The following RAB31 variants were observed in gnomAD, a reference collection of about 807,000 sequenced individuals.
RAB31 encodes the protein RAB31, member RAS oncogene family, also known as ras-related protein Rab-31.
In RAB31, 21 loss-of-function variants were observed where a neutral mutation model predicts 25.6. The observed-to-expected ratio is 0.82, with a 90% confidence interval of 0.58 to 1.18. RAB31 has a LOEUF of 1.18. Among genes scored for constraint, RAB31 ranks in the 50% most tolerant of loss-of-function variants. RAB31 has a pLI of 0.00. For synonymous variants in RAB31, 87 were observed against 84.0 expected, an observed-to-expected ratio of 1.04 and a Z score of -0.20; for missense variants, 196 against 250.1, an observed-to-expected ratio of 0.78 and a Z score of 1.46.
At chr18:9,735,130 G>T (rs2068144639) in intron 1 of RAB31, among the ~76,000 whole-genome samples, 1 of 152,018 alleles carries the variant, frequency 6.6e-6, no homozygotes, top group Non-Finnish European at 1.5e-5. Context: ...TGATTCTCCT[G>T]TCTCAGCCTC....
chr18:9,714,846 T>C (rs2068036065), intron 1 of RAB31, among the ~76,000 whole-genome samples: 3 of 152,234 alleles, frequency 2.0e-5, no homozygotes. Flanking sequence ...GGATTCTTAT[T>C]ATGGTGCTTA....
chr18:9,794,612 C>T lies in RAB31; in HGVS notation c.201+2377C>T, dbSNP rs556379539. Among the ~76,000 whole-genome samples the T allele has an allele frequency of 1.8e-4, 27 of 152,186 alleles. 1 individual carries two copies. The highest frequency in any genetic ancestry group is 5.8e-4 in the African/African-American group (24 of 41,526). ...TGAGTGGATCATGAGGTCAGGAGTT[C>T]GAGACCAGCCTGGCCAATATGGTAA... On this transcript the variant is annotated intron_variant, in intron 3 of 6. Coordinates refer to ENST00000578921, the MANE Select transcript of RAB31 (RefSeq NM_006868.4).
rs149849165 is a variant in RAB31, at chr18:9,810,141, A to G, written c.202-3879A>G. Among the ~76,000 whole-genome samples the G allele has an allele frequency of 2.5e-3, 375 of 152,328 alleles. 1 individual carries two copies. The highest frequency in any genetic ancestry group is 4.2e-3 in the Non-Finnish European group (283 of 68,028). On this transcript the variant is annotated intron_variant, in intron 3 of 6. Transcript: ENST00000578921. ...AATGACATCTGAAAAATTTCTCAAC[A>G]TTTTAATTTGGTCTTCTAGATGTTT...
chr18:9,743,036 G>A (rs938819058), intron 1 of RAB31, among the ~76,000 whole-genome samples: 3 of 152,206 alleles, frequency 2.0e-5, no homozygotes, highest in Non-Finnish European at 2.9e-5. Flanking sequence ...GTTTGGACTT[G>A]TCCATTTAGA....
chr18:9,850,060 C>G (rs888919266), intron 6 of RAB31, among the ~76,000 whole-genome samples: 3 of 152,084 alleles, frequency 2.0e-5, no homozygotes, highest in Non-Finnish European at 4.4e-5. Context: ...GTGGCTTGGA[C>G]GAGGGTGGAG....
Position 9,778,750 on chromosome 18 carries a change from C to T in RAB31, c.119+3393C>T, listed in dbSNP as rs142531621. On this transcript the variant is annotated intron_variant, in intron 2 of 6. Transcript: ENST00000578921. Reference sequence around the variant, plus strand: ...CCTCCCAAAGTGCTGGGATTATAGGCGTGAGCCACTGTGCCCAGCCACACA... The same window carrying T: ...CCTCCCAAAGTGCTGGGATTATAGGTGTGAGCCACTGTGCCCAGCCACACA... Among the ~76,000 whole-genome samples the T allele has an allele frequency of 9.1e-3, 1,385 of 152,320 alleles. 21 individuals carry two copies. The highest frequency in any genetic ancestry group is 0.031 in the African/African-American group (1,293 of 41,566).
chr18:9,841,730 T>G (rs1271317939), intron 5 of RAB31, among the ~76,000 whole-genome samples: 2 of 151,916 alleles, frequency 1.3e-5, no homozygotes, highest in Non-Finnish European at 2.9e-5. Context: ...ATACTTTTCT[T>G]GGGGGACAGG....
chr18:9,756,400 T>C (rs2068260569), intron 1 of RAB31, among the ~76,000 whole-genome samples: 1 of 152,224 alleles, frequency 6.6e-6, no homozygotes, highest in South Asian at 2.1e-4. Context: ...CTTGCTCTTC[T>C]CTGTACAGTT....
intron 1 of RAB31, among the ~76,000 whole-genome samples, chr18:9,741,503 T>A (rs2145472183): frequency 6.6e-6 from 1 of 151,744 alleles, no homozygotes; most frequent in South Asian, 2.1e-4. Flanking sequence ...TCACAAGGGC[T>A]GGAGTTGCAG....
At chr18:9,806,602 C>T (rs755447875) in intron 3 of RAB31, among the ~76,000 whole-genome samples, 1 of 152,060 alleles carries the variant, frequency 6.6e-6, no homozygotes, top group Non-Finnish European at 1.5e-5. Context: ...CCAGGTCCCA[C>T]CCAAGATGCC....
rs552794989 is a variant in RAB31 at position 9,812,425 on chromosome 18, T to C, written c.202-1595T>C. Among the ~76,000 whole-genome samples the C allele has an allele frequency of 4.6e-5, 7 of 152,310 alleles. No homozygotes were observed. The East Asian group carries it at 5.8e-4, about 13-fold the overall frequency. ...TACCAACAGTTGCTTTGAAAGAAGA[T>C]ATTCAGCACATTCCATGTAGAGTAT... On this transcript the variant is annotated intron_variant, in intron 3 of 6. Coordinates refer to ENST00000578921, the MANE Select transcript of RAB31 (RefSeq NM_006868.4).
chr18:9,750,032 C>T (rs753869119), intron 1 of RAB31, among the ~76,000 whole-genome samples: 7 of 152,190 alleles, frequency 4.6e-5, no homozygotes, highest in Non-Finnish European at 7.3e-5. Context: ...CAGATTGAAA[C>T]GTAGCTGTAA....
intron 1 of RAB31, among the ~76,000 whole-genome samples, chr18:9,764,729 T>C (rs2068306583): frequency 6.6e-6 from 1 of 152,180 alleles, no homozygotes; most frequent in South Asian, 2.1e-4. Context: ...TGGCACCTTA[T>C]TCTCTGTATG....
At chr18:9,709,744 T>C (rs1208287531) in intron 1 of RAB31, among the ~76,000 whole-genome samples, 2 of 152,174 alleles carry the variant, frequency 1.3e-5, no homozygotes, top group Non-Finnish European at 2.9e-5. Flanking sequence ...CTCCCCCGAC[T>C]TGCTCAGCCA....
At chr18:9,832,239 A>C (rs1049099358) in intron 5 of RAB31, among the ~76,000 whole-genome samples, 4 of 152,134 alleles carry the variant, frequency 2.6e-5, no homozygotes, top group African/African-American at 4.8e-5. Context: ...GTGGCCTCAC[A>C]TCACCCATGC....
At chr18:9,824,584 C>T (rs558990945) in intron 5 of RAB31, among the ~76,000 whole-genome samples, 2 of 152,270 alleles carry the variant, frequency 1.3e-5, no homozygotes, top group East Asian at 3.9e-4. Context: ...TGGAATTCGC[C>T]CTCCAACCTT....
At chr18:9,792,435 A>T (rs996232118) in intron 3 of RAB31, among the ~76,000 whole-genome samples, 200 bp downstream of exon 3, 2 of 152,158 alleles carry the variant, frequency 1.3e-5, no homozygotes, top group African/African-American at 4.8e-5. Context: ...GGCTGAGTTC[A>T]GGTCCCCAAA....
At chr18:9,728,393 G>A (rs1457273548) in intron 1 of RAB31, among the ~76,000 whole-genome samples, 1 of 152,208 alleles carries the variant, frequency 6.6e-6, no homozygotes, top group Non-Finnish European at 1.5e-5. Flanking sequence ...GAAATAGAAC[G>A]TTGGGTCAGA....
chr18:9,843,763 C>T (rs1457966771), intron 5 of RAB31, among the ~76,000 whole-genome samples: 1 of 152,062 alleles, frequency 6.6e-6, no homozygotes, highest in African/African-American at 2.4e-5. Flanking sequence ...AGCACAGGTG[C>T]CCACTGACTT....
Sources: allele counts gnomAD v4.1 joint callset (sites outside exome capture counted in the v4.1 genomes callset), GRCh38; gene constraint gnomAD v4.1.1; transcripts MANE v1.5; gene names NCBI Gene and HGNC (gene_info 2026-07-23, HGNC 2026-07-21).